The following DAP variants were observed in gnomAD, a reference collection of about 807,000 sequenced individuals.
DAP encodes death associated protein.
In DAP, 8 loss-of-function variants were observed where a neutral mutation model predicts 13.8. The ratio of observed to expected loss-of-function variants is 0.58; its 90% CI spans 0.34 to 1.05. The LOEUF is 1.05. Ranked by LOEUF, DAP falls within the 50% of genes least tolerant of loss-of-function variation. The pLI, the probability that DAP is intolerant of heterozygous loss-of-function variation, is 0.03. For synonymous variants in DAP, 47 were observed against 47.5 expected (o/e 0.99, Z 0.04); for missense variants, 106 against 133.2 (o/e 0.80, Z 1.01).
At chr5:10,699,788 C>T (rs1209712112) in intron 2 of DAP, among the ~76,000 whole-genome samples, 3 of 152,180 alleles carry the variant, frequency 2.0e-5, no homozygotes, top group Non-Finnish European at 4.4e-5. Flanking sequence ...CTGCACTAGG[C>T]CCCAGGCCCA....
At chr5:10,709,236 A>G (rs1287430762) in intron 2 of DAP, among the ~76,000 whole-genome samples, 1 of 152,232 alleles carries the variant, frequency 6.6e-6, no homozygotes, top group Non-Finnish European at 1.5e-5. Context: ...ATGCATTATA[A>G]ATGTTTTTAG....
At chr5:10,700,567 G>C (rs1244173020) in intron 2 of DAP, among the ~76,000 whole-genome samples, 2 of 152,208 alleles carry the variant, frequency 1.3e-5, no homozygotes, top group African/African-American at 4.8e-5. Context: ...TTGCGCCCCA[G>C]GGGCAGCGTG....
chr5:10,706,645 A>G (rs1738704082), intron 2 of DAP, among the ~76,000 whole-genome samples: 1 of 152,244 alleles, frequency 6.6e-6, no homozygotes, highest in African/African-American at 2.4e-5. Context: ...GCAGTTGAGA[A>G]ACATTTTACC....
At chr5:10,713,561 A>G (rs967645941) in intron 2 of DAP, among the ~76,000 whole-genome samples, 6 of 152,354 alleles carry the variant, frequency 3.9e-5, no homozygotes, top group African/African-American at 9.6e-5. Flanking sequence ...CTTTCCAGCT[A>G]AGAAGCCCCC....
intron 2 of DAP, among the ~76,000 whole-genome samples, chr5:10,691,689 C>G (rs1373528846): frequency 1.3e-5 from 2 of 152,198 alleles, no homozygotes. Flanking sequence ...CCCTGCCCGC[C>G]CCATATCCTC....
intron 1 of DAP, among the ~76,000 whole-genome samples, chr5:10,752,496 C>G (rs1740071419): frequency 6.6e-6 from 1 of 152,090 alleles, no homozygotes; most frequent in South Asian, 2.1e-4. Context: ...AACAGAAAAA[C>G]CTTAGATTTT....
intron 2 of DAP, among the ~76,000 whole-genome samples, chr5:10,726,760 AGTG>A (rs1252520636): frequency 6.6e-6 from 1 of 151,800 alleles, no homozygotes; most frequent in East Asian, 1.9e-4. Context: ...TGTGTGGAAA[AGTG>A]TGTGTGTGTG....
At chr5:10,698,282 C>CAAA (rs71613386) in intron 2 of DAP, among the ~76,000 whole-genome samples, 1,024 of 42,648 alleles carry the variant, frequency 0.024, 37 homozygotes, top group Admixed American at 0.034. Flanking sequence ...CCAGACTTAG[C>CAAA]AAAAAAAAAA....
rs1295416916 is a variant in DAP, at chr5:10,686,830, AACAG to A, written c.153-3263_153-3260del. On this transcript the variant is annotated intron_variant, in intron 2 of 3. Coordinates refer to ENST00000230895, the MANE Select transcript of DAP (RefSeq NM_004394.3). ...ATTGATGAAAGTGGCCACACTAAACAACAGATTTTCAATGTTGACAAAACAGCCT... is the reference window on the plus strand; with the variant it reads ...ATTGATGAAAGTGGCCACACTAAACAATTTTCAATGTTGACAAAACAGCCT... Among the ~76,000 whole-genome samples, 5 of 152,370 alleles carry A rather than the reference AACAG, an allele frequency of 3.3e-5. No homozygotes were observed. In the East Asian group the frequency reaches 9.6e-4, roughly 29 times the overall value.
intron 2 of DAP, among the ~76,000 whole-genome samples, chr5:10,729,966 A>G (rs1739392826): frequency 6.6e-6 from 1 of 152,194 alleles, no homozygotes; most frequent in Non-Finnish European, 1.5e-5. Context: ...CTCTTTCCAC[A>G]TGCATTCTGC....
intron 2 of DAP, among the ~76,000 whole-genome samples, chr5:10,746,351 CAAG>C (rs1398826139): frequency 1.5e-5 from 2 of 130,668 alleles, no homozygotes; most frequent in Non-Finnish European, 3.2e-5. Context: ...TTTTTTGAGA[CAAG>C]AGTTTTGTTC....
At chr5:10,700,070 G>A (rs1738534779) in intron 2 of DAP, among the ~76,000 whole-genome samples, 1 of 152,240 alleles carries the variant, frequency 6.6e-6, no homozygotes, top group Non-Finnish European at 1.5e-5. Flanking sequence ...TAACCAGAAT[G>A]GGGCCCTGGG....
At chr5:10,751,590 C>G (rs963401768) in intron 1 of DAP, among the ~76,000 whole-genome samples, 3 of 152,088 alleles carry the variant, frequency 2.0e-5, no homozygotes, top group African/African-American at 7.2e-5. Context: ...GAATAGTGTC[C>G]CCCCAAAATT....
rs1579809242 is a variant in DAP, at chr5:10,729,770, C to T, written c.152+18405G>A. On this transcript the variant is annotated intron_variant, in intron 2 of 3. Coordinates refer to ENST00000230895, the MANE Select transcript of DAP (RefSeq NM_004394.3). ...AGCCATGTCCACAGAGATGCTACTC[C>T]AGTTCCCCTTAACAGAAAATTCATC... Among the ~76,000 whole-genome samples the T allele has an allele frequency of 3.3e-5, 5 of 152,292 alleles. No homozygotes were observed. The East Asian group carries it at 9.7e-4, about 29-fold the overall frequency.
chr5:10,697,631 G>A (rs1003220839), intron 2 of DAP, among the ~76,000 whole-genome samples: 3 of 152,128 alleles, frequency 2.0e-5, no homozygotes, highest in African/African-American at 7.2e-5. Context: ...AAAGTACAAA[G>A]TATTTTAAAT....
intron 2 of DAP, among the ~76,000 whole-genome samples, chr5:10,710,464 A>G (rs894063249): frequency 6.6e-6 from 1 of 152,344 alleles, no homozygotes; most frequent in African/African-American, 2.4e-5. Context: ...TACGGACAGA[A>G]CCATGAGGGG....
intron 1 of DAP, among the ~76,000 whole-genome samples, chr5:10,758,010 G>C (rs140172770): frequency 6.6e-6 from 1 of 152,312 alleles, no homozygotes; most frequent in Non-Finnish European, 1.5e-5. Context: ...CAGCAACAAA[G>C]AGAAGACACA....
chr5:10,750,426 T>C (rs1740019124), intron 1 of DAP, among the ~76,000 whole-genome samples: 1 of 152,086 alleles, frequency 6.6e-6, no homozygotes, highest in Admixed American at 6.6e-5. Flanking sequence ...GCAAGGAAAA[T>C]GACGACTATT....
intron 1 of DAP, among the ~76,000 whole-genome samples, chr5:10,759,379 A>G (rs1740281804): frequency 6.6e-6 from 1 of 152,158 alleles, no homozygotes; most frequent in Admixed American, 6.5e-5. Flanking sequence ...TCCTCCCCAC[A>G]GTGGACAGGG....
Sources: allele counts gnomAD v4.1 joint callset (sites outside exome capture counted in the v4.1 genomes callset), GRCh38; gene constraint gnomAD v4.1.1; transcripts MANE v1.5; gene names NCBI Gene and HGNC (gene_info 2026-07-23, HGNC 2026-07-21).